The following ANGPT1 variants were observed in gnomAD, a reference collection of about 807,000 sequenced individuals.
The protein encoded by ANGPT1 is angiopoietin-1.
Under a neutral mutation model 62.2 loss-of-function variants are expected in ANGPT1, and 17 were observed. The observed-to-expected ratio is 0.27, with a 90% CI of 0.19 to 0.41. ANGPT1 has a LOEUF of 0.41. ANGPT1 is among the 10% of genes least tolerant of loss of function. ANGPT1 has a pLI of 1.00. For synonymous variants in ANGPT1, 199 were observed against 198.9 expected, an observed-to-expected ratio of 1.00 and a Z score of 0.00; for missense variants, 478 against 594.9, an observed-to-expected ratio of 0.80 and a Z score of 2.04.
At chr8:107,487,132 G>A (rs1812834113) in intron 1 of ANGPT1, among the ~76,000 whole-genome samples, 2 of 152,070 alleles carry the variant, frequency 1.3e-5, no homozygotes, top group South Asian at 2.1e-4. Context: ...CCAATAAAGG[G>A]ACAGTCACTG....
intron 1 of ANGPT1, among the ~76,000 whole-genome samples, chr8:107,363,455 T>C (rs1816209541): frequency 1.3e-5 from 2 of 152,152 alleles, no homozygotes; most frequent in Non-Finnish European, 2.9e-5. Flanking sequence ...TATATTTACG[T>C]GAGAAGCAGC....
chr8:107,388,122 A>G (rs868384397), intron 1 of ANGPT1, among the ~76,000 whole-genome samples: 15 of 152,190 alleles, frequency 9.9e-5, no homozygotes, highest in Non-Finnish European at 2.2e-4. Context: ...TTTTAGTAAC[A>G]TGAATTGCAT....
chr8:107,438,607 G>A (rs1811395092), intron 1 of ANGPT1, among the ~76,000 whole-genome samples: 1 of 152,026 alleles, frequency 6.6e-6, no homozygotes, highest in South Asian at 2.1e-4. Context: ...GGCATCAGGG[G>A]AGAAAACCAT....
At chr8:107,276,899 T>A (rs1320676457) in intron 7 of ANGPT1, among the ~76,000 whole-genome samples, 16 of 152,238 alleles carry the variant, frequency 1.1e-4, no homozygotes, top group Admixed American at 1.0e-3. Context: ...GTTGTTTTCT[T>A]CACAATTTTG....
intron 1 of ANGPT1, among the ~76,000 whole-genome samples, chr8:107,382,419 T>G (rs1379575440): frequency 6.6e-6 from 1 of 152,164 alleles, no homozygotes; most frequent in African/African-American, 2.4e-5. Flanking sequence ...AGGTCTGCTG[T>G]GCTTTTCTAC....
At chr8:107,380,146 C>G (rs1816606773) in intron 1 of ANGPT1, among the ~76,000 whole-genome samples, 1 of 151,994 alleles carries the variant, frequency 6.6e-6, no homozygotes, top group African/African-American at 2.4e-5. Context: ...GGAAAAATTA[C>G]TAGGAAAATG....
At chr8:107,345,342 C>A (rs1815781096) in intron 2 of ANGPT1, among the ~76,000 whole-genome samples, 1 of 152,094 alleles carries the variant, frequency 6.6e-6, no homozygotes, top group Admixed American at 6.5e-5. Context: ...CTTAAGGATG[C>A]AGAACAATTT....
rs555104853 is a variant in ANGPT1, at chr8:107,357,067, TG to T, written c.298-9971del. The stretch of plus-strand genomic sequence containing the variant: ...CTACATGTGTCCAGTTCTACATTCA[TG>T]CTTTGTAGTTATGTTCATTTCATTG... On this transcript the variant is annotated intron_variant, in intron 1 of 8. Transcript: ENST00000517746. Among the ~76,000 whole-genome samples the T allele has an allele frequency of 6.6e-3, 1,002 of 152,334 alleles. 8 individuals are homozygous for T. The highest frequency in any genetic ancestry group is 8.1e-3 in the Non-Finnish European group (551 of 68,024).
chr8:107,287,453 G>A (rs868266746), intron 6 of ANGPT1, among the ~76,000 whole-genome samples: 1 of 152,078 alleles, frequency 6.6e-6, no homozygotes, highest in Admixed American at 6.6e-5. Flanking sequence ...CATTTATTTC[G>A]AGCTCCTTCC....
At chr8:107,469,334 G>A (rs1812285702) in intron 1 of ANGPT1, among the ~76,000 whole-genome samples, 1 of 151,974 alleles carries the variant, frequency 6.6e-6, no homozygotes, top group Non-Finnish European at 1.5e-5. Flanking sequence ...CCACTTGATT[G>A]ATATTCAGTT....
intron 3 of ANGPT1, among the ~76,000 whole-genome samples, chr8:107,328,146 T>C (rs1815332790): frequency 6.6e-6 from 1 of 152,086 alleles, no homozygotes; most frequent in African/African-American, 2.4e-5. Flanking sequence ...TTTTTATCTG[T>C]CTGAATCTAT....
At chr8:107,318,001 G>C (rs1252522845) in intron 4 of ANGPT1, among the ~76,000 whole-genome samples, 1 of 152,140 alleles carries the variant, frequency 6.6e-6, no homozygotes, top group Non-Finnish European at 1.5e-5. Flanking sequence ...TTGTTTGTAT[G>C]CCTTATTAAT....
At chr8:107,384,033 T>A (rs1245438590) in intron 1 of ANGPT1, among the ~76,000 whole-genome samples, 1 of 152,180 alleles carries the variant, frequency 6.6e-6, no homozygotes, top group Non-Finnish European at 1.5e-5. Context: ...GGTAACATAA[T>A]TAAGGGTGTC....
intron 7 of ANGPT1, among the ~76,000 whole-genome samples, chr8:107,283,003 G>A (rs1053983881): frequency 3.2e-5 from 2 of 61,974 alleles, no homozygotes; most frequent in African/African-American, 1.6e-4. Context: ...ATATGCATGT[G>A]TATGCACACA....
At chr8:107,339,977 T>A (rs908602859) in intron 2 of ANGPT1, among the ~76,000 whole-genome samples, 3 of 152,180 alleles carry the variant, frequency 2.0e-5, no homozygotes, top group Non-Finnish European at 2.9e-5. Context: ...CAATCCCTCC[T>A]CTTCTTTCCC....
intron 1 of ANGPT1, among the ~76,000 whole-genome samples, chr8:107,488,589 A>T (rs1812876360): frequency 6.6e-6 from 1 of 152,226 alleles, no homozygotes; most frequent in African/African-American, 2.4e-5. Context: ...ATTTTAAGTT[A>T]TTAAATATTC....
At chr8:107,334,880 G>GT (rs1296104143) in intron 3 of ANGPT1, among the ~76,000 whole-genome samples, 1 of 152,184 alleles carries the variant, frequency 6.6e-6, no homozygotes, top group Admixed American at 6.5e-5. Context: ...GTCCTGTCAA[G>GT]TTTATTTGTA....
chr8:107,439,626 A>G (rs749637622), intron 1 of ANGPT1, among the ~76,000 whole-genome samples: 2 of 152,240 alleles, frequency 1.3e-5, no homozygotes, highest in African/African-American at 4.8e-5. Context: ...CAGAACTTAC[A>G]TAAGTAAATA....
chr8:107,482,413 C>T (rs1485469211), intron 1 of ANGPT1, among the ~76,000 whole-genome samples: 1 of 152,148 alleles, frequency 6.6e-6, no homozygotes, highest in Non-Finnish European at 1.5e-5. Context: ...TGAGGTGACT[C>T]AAATATGGAG....
Sources: allele counts gnomAD v4.1 joint callset (sites outside exome capture counted in the v4.1 genomes callset), GRCh38; gene constraint gnomAD v4.1.1; transcripts MANE v1.5; gene names NCBI Gene and HGNC (gene_info 2026-07-23, HGNC 2026-07-21).